NLN: variants seen among roughly 807,000 people sequenced by gnomAD.
NLN encodes neurolysin.
In NLN, 64 loss-of-function variants were observed where a neutral mutation model predicts 79.9. The observed-to-expected ratio is 0.80, with a 90% CI of 0.65 to 0.99. The LOEUF (loss-of-function observed/expected upper bound fraction) is 0.99, where lower values mean the gene tolerates loss of function less well. NLN is among the 50% of genes least tolerant of loss of function. The probability of loss-of-function intolerance (pLI) is 0.00; values close to 1 mark genes in which losing one functional copy is unlikely to be tolerated. For synonymous variants in NLN, 267 were observed against 296.6 expected, an observed-to-expected ratio of 0.90 and a Z score of 1.02; for missense variants, 835 against 858.7, an observed-to-expected ratio of 0.97 and a Z score of 0.34.
chr5:65,731,697 C>T (rs1318282083), intron 1 of NLN, among the ~76,000 whole-genome samples: 1 of 147,828 alleles, frequency 6.8e-6, no homozygotes, highest in East Asian at 2.0e-4. Context: ...CTAGAAAGTC[C>T]TTCTCCACCC....
intron 1 of NLN, among the ~76,000 whole-genome samples, chr5:65,758,228 C>A (rs1759262835): frequency 1.3e-5 from 2 of 151,488 alleles, no homozygotes; most frequent in South Asian, 4.2e-4. Context: ...AGAATGAGAC[C>A]CTGTCTTAAA....
In NLN at chr5:65,779,914, T is replaced by C. The variant is rs1436835745; in HGVS notation, c.559-265T>C. 3 of 273,716 alleles carry C rather than the reference T, an allele frequency of 1.1e-5. No homozygotes were observed. The Admixed American group carries it at 1.7e-4, about 15-fold the overall frequency. 17.0% of individuals were successfully genotyped at this position (273,716 alleles called of 1,614,324 possible). On this transcript the variant is annotated intron_variant, in intron 4 of 12. Transcript: ENST00000380985. ...CTCAATTGATGGTGATAAAAATGAGTTGTTTTTTTCAAACAATTCTCCTGC... is the reference window on the plus strand; with the variant it reads ...CTCAATTGATGGTGATAAAAATGAGCTGTTTTTTTCAAACAATTCTCCTGC...
chr5:65,797,154 G>C (rs1760189550), intron 9 of NLN, among the ~76,000 whole-genome samples: 1 of 152,200 alleles, frequency 6.6e-6, no homozygotes, highest in South Asian at 2.1e-4. Context: ...TGTGGTTTGA[G>C]CTGTCAGTAA....
At chr5:65,793,125 A>T (rs548932216) in intron 9 of NLN, 43 of 265,346 alleles carry the variant, frequency 1.6e-4, no homozygotes, top group Middle Eastern at 1.5e-3. Context: ...TAGATAATAT[A>T]GTCTAACCAT....
chr5:65,738,926 G>GTATATATA (rs1561180220), intron 1 of NLN, among the ~76,000 whole-genome samples: 4,564 of 113,176 alleles, frequency 0.04, 693 homozygotes, highest in Non-Finnish European at 0.048. Context: ...ATATATATGT[G>GTATATATA]TGTATATATA....
chr5:65,774,655 G>T (rs1035755135), intron 3 of NLN, among the ~76,000 whole-genome samples: 44 of 151,348 alleles, frequency 2.9e-4, no homozygotes, highest in African/African-American at 9.9e-4. Context: ...GATTTCTGTT[G>T]TGTCATTTTT....
chr5:65,827,798 C>G lies in NLN; in HGVS notation c.*4883C>G, dbSNP rs936282895. 4.6e-5 allele frequency: 7 copies of G among 152,182 alleles called. No individual in the cohort carries two copies. The highest frequency in any genetic ancestry group is 1.0e-4 in the Non-Finnish European group (7 of 68,040). 9.4% of individuals were successfully genotyped at this position (152,182 alleles called of 1,614,324 possible). ...TTGGGATGCCAAGATGGGTGGATCA[C>G]CTGAGTTCAGGAGTTCAAGACCAGC... On this transcript the variant is annotated 3_prime_UTR_variant, in exon 13 of 13. Coordinates refer to ENST00000380985, the MANE Select transcript of NLN (RefSeq NM_020726.5).
intron 9 of NLN, 155 bp downstream of exon 9, chr5:65,792,810 C>G: frequency 1.4e-6 from 1 of 697,758 alleles, no homozygotes; most frequent in Non-Finnish European, 2.6e-6. Flanking sequence ...TTTCCTTATC[C>G]TGTCCTCTTT....
At chr5:65,725,841 G>A (rs1024025348) in intron 1 of NLN, among the ~76,000 whole-genome samples, 5 of 152,100 alleles carry the variant, frequency 3.3e-5, no homozygotes, top group African/African-American at 9.7e-5. Context: ...GGCTGGGCAC[G>A]GTGGCTCACG....
intron 1 of NLN, among the ~76,000 whole-genome samples, chr5:65,747,005 GAAA>G (rs1029025334): frequency 5.9e-5 from 6 of 101,586 alleles, no homozygotes; most frequent in African/African-American, 1.9e-4. Context: ...TTCTGTCTCA[GAAA>G]AAAAAAAAAA....
chr5:65,815,522 C>T (rs555938401), intron 12 of NLN, among the ~76,000 whole-genome samples: 5 of 152,282 alleles, frequency 3.3e-5, no homozygotes, highest in African/African-American at 9.6e-5. Flanking sequence ...TATTAGATGT[C>T]TTATGCCATA....
chr5:65,806,251 A>G (rs1760408520), intron 9 of NLN, among the ~76,000 whole-genome samples: 2 of 152,222 alleles, frequency 1.3e-5, no homozygotes, highest in Admixed American at 6.5e-5. Flanking sequence ...TTCAAGTCTT[A>G]TTATTATGAG....
At chr5:65,757,541 A>G (rs183849863) in intron 1 of NLN, among the ~76,000 whole-genome samples, 99 of 152,244 alleles carry the variant, frequency 6.5e-4, no homozygotes, top group Admixed American at 2.6e-3. Context: ...ACAGACAATA[A>G]ATGTTAGCTA....
chr5:65,801,653 T>G (rs1481544263), intron 9 of NLN, among the ~76,000 whole-genome samples: 1 of 152,252 alleles, frequency 6.6e-6, no homozygotes, highest in Non-Finnish European at 1.5e-5. Flanking sequence ...TTCCTTTTGT[T>G]CTTTAGAAGA....
chr5:65,726,663 T>C (rs1008119187), intron 1 of NLN, among the ~76,000 whole-genome samples: 1 of 152,284 alleles, frequency 6.6e-6, no homozygotes, highest in Admixed American at 6.5e-5. Flanking sequence ...AAAATAAATA[T>C]ACTAATAGCC....
At chr5:65,738,838 C>A (rs1329029332) in intron 1 of NLN, among the ~76,000 whole-genome samples, 1 of 149,290 alleles carries the variant, frequency 6.7e-6, no homozygotes, top group Non-Finnish European at 1.5e-5. Context: ...CTCACTGCAA[C>A]CTCTGCCTCC....
chr5:65,803,330 T>C (rs1303574276), intron 9 of NLN, among the ~76,000 whole-genome samples: 1 of 152,118 alleles, frequency 6.6e-6, no homozygotes, highest in Non-Finnish European at 1.5e-5. Context: ...CAAGCCACGC[T>C]CAGTTCCCCC....
chr5:65,783,318 A>G (rs1455829800), intron 6 of NLN, among the ~76,000 whole-genome samples: 1 of 152,172 alleles, frequency 6.6e-6, no homozygotes, highest in Non-Finnish European at 1.5e-5. Context: ...GATTTGTCTT[A>G]TAACTGTAAG....
chr5:65,767,772 T>C (rs972641249), intron 3 of NLN, among the ~76,000 whole-genome samples: 5 of 152,236 alleles, frequency 3.3e-5, no homozygotes, highest in South Asian at 2.1e-4. Flanking sequence ...CATGGCTGTA[T>C]GCTGTTAGGA....
Sources: gnomAD v4.1 joint callset for allele counts (sites outside exome capture counted in the v4.1 genomes callset) on GRCh38, gnomAD v4.1.1 for gene constraint, MANE v1.5 for transcripts, NCBI Gene and HGNC (gene_info 2026-07-23, HGNC 2026-07-21) for gene names.